Variants in COLEC10 observed in about 807,000 individuals in gnomAD.
COLEC10 encodes collectin subfamily member 10, also known as collectin-10.
In COLEC10, 22 loss-of-function variants were observed where a neutral mutation model predicts 28.4. The observed-to-expected ratio is 0.78, with a 90% CI of 0.55 to 1.11. The LOEUF (loss-of-function observed/expected upper bound fraction) is 1.11, where lower values mean the gene tolerates loss of function less well. Ranked by LOEUF, COLEC10 falls within the 50% of genes least tolerant of loss-of-function variation. COLEC10 has a pLI of 0.00. For missense variants in COLEC10, 361 were observed against 344.1 expected, an observed-to-expected ratio of 1.05 and a Z score of -0.39; for synonymous variants, 125 against 116.1, an observed-to-expected ratio of 1.08 and a Z score of -0.49.
intron 1 of COLEC10, among the ~76,000 whole-genome samples, chr8:119,078,118 C>G (rs1383326509): frequency 6.6e-6 from 1 of 152,160 alleles, no homozygotes; most frequent in East Asian, 1.9e-4. Context: ...CCTACATGAC[C>G]CAAACACAAC....
chr8:118,967,086 A>T, the COLEC10 span, among the ~76,000 whole-genome samples: 13 of 152,220 alleles, frequency 8.5e-5, no homozygotes, highest in African/African-American at 2.9e-4. Context: ...ATTAAGACAC[A>T]GGGAAATGGT....
intron 3 of COLEC10, among the ~76,000 whole-genome samples, chr8:119,095,988 T>C (rs576774460): frequency 6.6e-6 from 1 of 152,292 alleles, no homozygotes; most frequent in South Asian, 2.1e-4. Flanking sequence ...TTATGCAAAG[T>C]TGACACTATT....
the COLEC10 span, among the ~76,000 whole-genome samples, chr8:118,963,662 A>G: frequency 3.9e-5 from 6 of 152,240 alleles, no homozygotes; most frequent in Non-Finnish European, 8.8e-5. Context: ...CATAAAAACA[A>G]CAGAGCATGC....
At position 119,098,259 on chromosome 8, in the gene COLEC10, G is replaced by A. The variant is rs546892653; in HGVS notation, c.293-4089G>A. On this transcript the variant is annotated intron_variant, in intron 3 of 5. Coordinates refer to ENST00000332843, the MANE Select transcript of COLEC10 (RefSeq NM_006438.5). ...GAATAAAATAAGACTATGTAAGGTG[G>A]GAGCATAGTAGATGACGAAGACAAG... Among the ~76,000 whole-genome samples the A allele has an allele frequency of 7.9e-5, 12 of 152,084 alleles. No individual in the cohort carries two copies. In the South Asian group the frequency reaches 2.5e-3, roughly 32 times the overall value.
chr8:119,062,559 G>A (rs1007445767), upstream of COLEC10, among the ~76,000 whole-genome samples: 4 of 151,402 alleles, frequency 2.6e-5, no homozygotes, highest in South Asian at 2.1e-4. Context: ...GGCTCACTGC[G>A]ACCTCCGCCC....
chr8:119,009,256 A>G (rs1813861813), intron 1 of COLEC10, among the ~76,000 whole-genome samples: 1 of 150,892 alleles, frequency 6.6e-6, no homozygotes, highest in South Asian at 2.1e-4. Flanking sequence ...GTTTCCACCA[A>G]CACTTATGTT....
In COLEC10 at chr8:118,997,419, C is replaced by A. The variant is rs561585153; in HGVS notation, n.122+1846C>A. ...TTGAAGCTTTTCCCCTGTGTTTTTT[C>A]ATAGAAGTTCTAAAGTTTCATATCT... On this transcript the variant is annotated intron_variant and non_coding_transcript_variant, in intron 1 of 6. Transcript: ENST00000521788. 1.3e-4 allele frequency among the ~76,000 whole-genome samples: 20 copies of A among 152,210 alleles called. No homozygotes were observed. The South Asian group carries it at 3.9e-3, about 30-fold the overall frequency.
the COLEC10 span, among the ~76,000 whole-genome samples, chr8:118,974,087 T>G: frequency 6.6e-6 from 1 of 152,080 alleles, no homozygotes; most frequent in East Asian, 1.9e-4. Flanking sequence ...TGCTCCAATG[T>G]CACCTTTCTA....
chr8:119,092,215 GC>G (rs1488580944), intron 3 of COLEC10, among the ~76,000 whole-genome samples: 4 of 151,654 alleles, frequency 2.6e-5, no homozygotes, highest in Non-Finnish European at 4.4e-5. Context: ...GACTACAGAT[GC>G]CCACCACCAC....
intron 2 of COLEC10, among the ~76,000 whole-genome samples, chr8:119,021,601 A>G (rs1365344644): frequency 2.0e-5 from 3 of 152,166 alleles, no homozygotes; most frequent in African/African-American, 4.8e-5. Flanking sequence ...TTAGAGTCCT[A>G]TGAACTTACT....
At chr8:119,032,174 C>T (rs1236363803) in intron 2 of COLEC10, among the ~76,000 whole-genome samples, 2 of 152,178 alleles carry the variant, frequency 1.3e-5, no homozygotes, top group Admixed American at 1.3e-4. Context: ...TTTTACACTC[C>T]TAACTTATTT....
At chr8:119,087,554 T>C (rs1002627797) in intron 1 of COLEC10, among the ~76,000 whole-genome samples, 2 of 152,196 alleles carry the variant, frequency 1.3e-5, no homozygotes, top group Non-Finnish European at 2.9e-5. Context: ...TCAGTTATGC[T>C]ACCCCATCCC....
upstream of COLEC10, among the ~76,000 whole-genome samples, chr8:119,066,275 G>T (rs998219861): frequency 3.3e-5 from 5 of 152,074 alleles, no homozygotes; most frequent in Non-Finnish European, 5.9e-5. Flanking sequence ...TGTGATTCTG[G>T]TTCCAATCTT....
chr8:119,048,754 G>A (rs1225841579), intron 2 of COLEC10, among the ~76,000 whole-genome samples: 1 of 152,114 alleles, frequency 6.6e-6, no homozygotes, highest in Non-Finnish European at 1.5e-5. Flanking sequence ...TGGGTCTCTT[G>A]AAGACAGCAG....
the COLEC10 span, among the ~76,000 whole-genome samples, chr8:118,953,889 C>T: frequency 6.6e-6 from 1 of 152,030 alleles, no homozygotes; most frequent in Non-Finnish European, 1.5e-5. Flanking sequence ...TTTGTTATTC[C>T]TATAATGAGG....
the COLEC10 span, among the ~76,000 whole-genome samples, chr8:118,989,598 A>G: frequency 2.0e-5 from 3 of 150,386 alleles, no homozygotes; most frequent in African/African-American, 4.9e-5. Context: ...CCCATAACCT[A>G]CTCAAACTGC....
Position 119,098,456 on chromosome 8 carries a change from T to A in COLEC10, c.293-3892T>A, listed in dbSNP as rs138282730. ...AGCACCTAATACATACCTGTATCAC[T>A]GTACTCACTGTCATATCTGATTAGC... On this transcript the variant is annotated intron_variant, in intron 3 of 5. Transcript: ENST00000332843. 2.6e-3 allele frequency among the ~76,000 whole-genome samples: 403 copies of A among 152,204 alleles called. 1 individual carries two copies. Among genetic ancestry groups the A allele is most frequent in the African/African-American group, 9.3e-3 (387 of 41,562 alleles).
chr8:119,105,395 G>C (rs1393249638), intron 5 of COLEC10, among the ~76,000 whole-genome samples: 1 of 152,110 alleles, frequency 6.6e-6, no homozygotes, highest in Non-Finnish European at 1.5e-5. Flanking sequence ...ATGAGTAGAA[G>C]TTTACCAGGT....
At chr8:118,968,908 T>C in the COLEC10 span, among the ~76,000 whole-genome samples, 1 of 152,122 alleles carries the variant, frequency 6.6e-6, no homozygotes, top group Non-Finnish European at 1.5e-5. Context: ...CTGAGAATGA[T>C]GGTTTTGAAC....
Sources: allele counts gnomAD v4.1 joint callset (sites outside exome capture counted in the v4.1 genomes callset), GRCh38; gene constraint gnomAD v4.1.1; transcripts MANE v1.5; gene names NCBI Gene and HGNC (gene_info 2026-07-23, HGNC 2026-07-21).